The following WDR75 variants were observed in gnomAD, a reference collection of about 807,000 sequenced individuals.
WDR75 encodes WD repeat-containing protein 75.
In WDR75, 52 loss-of-function variants were observed where a neutral mutation model predicts 106.1. The ratio of observed to expected loss-of-function variants is 0.49; its 90% CI spans 0.39 to 0.62. The LOEUF is 0.62. Among genes scored for constraint, WDR75 ranks in the 20% least tolerant of loss-of-function variants. WDR75 has a pLI of 0.00. For synonymous variants in WDR75, 333 were observed against 335.5 expected, an observed-to-expected ratio of 0.99 and a Z score of 0.08; for missense variants, 905 against 970.3, an observed-to-expected ratio of 0.93 and a Z score of 0.89.
At chr2:189,464,343 T>G (rs2105567803) in intron 11 of WDR75, 1 of 184,502 alleles carries the variant, frequency 5.4e-6, no homozygotes, top group East Asian at 1.5e-4. Flanking sequence ...GATAAAATTT[T>G]CAGTGTAGAT....
intron 19 of WDR75, 28 bp from the exon 20 acceptor site, chr2:189,474,687 ATT>A (rs1348944956): frequency 6.3e-7 from 1 of 1,594,052 alleles, no homozygotes; most frequent in South Asian, 1.1e-5. Context: ...AAGCTTTTTA[ATT>A]GCAACCGTGT....
Position 189,465,146 on chromosome 2 carries a change from C to T in WDR75, c.1181C>T (p.Ala394Val). Residue 394 changes from alanine (A) to valine (V), a missense_variant, in exon 12 of 21, where the codon GCA (alanine) becomes GTA (valine). Coordinates refer to ENST00000314761, the MANE Select transcript of WDR75 (RefSeq NM_032168.3). ...ATCCAAATTGAACTAACAAAGGCTG[C>T]ATTTGGCTGCTTTGGTAACTGGCTT... ...GLIQIELTKA[A>V]FGCFGNWLAT... is the part of the protein sequence containing the mutation. 1.2e-6 allele frequency: 2 copies of T among 1,612,964 alleles called. No individual in the cohort carries two copies. Among genetic ancestry groups the T allele is most frequent in the Admixed American group, 1.7e-5 (1 of 59,958 alleles).
In WDR75 at chr2:189,455,488, C is replaced by G. The variant is rs767145340; in HGVS notation, c.498+44C>G. The G allele has an allele frequency of 2.5e-6, 4 of 1,582,420 alleles. No individual in the cohort carries two copies. In the Admixed American group the frequency reaches 7.4e-5, roughly 29 times the overall value. ...GTTTTCTGTTTTGTACCTAAAATTT[C>G]TTTCCTGCAATCTCTCTTCTGAGCA... On this transcript the variant is annotated intron_variant, in intron 5 of 20. Transcript: ENST00000314761.
chr2:189,466,366 T>C (rs1686999478), intron 12 of WDR75, 59 bp from the exon 13 acceptor site: 2 of 1,568,858 alleles, frequency 1.3e-6, no homozygotes, highest in South Asian at 2.3e-5. Context: ...TGTCAGAAAT[T>C]CTTATATACA....
Position 189,462,643 on chromosome 2 carries a change from G to A in WDR75, c.937+1G>A, listed in dbSNP as rs1489355668. The A allele has an allele frequency of 4.3e-6, 7 of 1,612,948 alleles. No individual in the cohort carries two copies. The highest frequency in any genetic ancestry group is 5.9e-6 in the Non-Finnish European group (7 of 1,179,430). On this transcript the variant is annotated splice_donor_variant, in intron 9 of 20. Coordinates refer to ENST00000314761, the MANE Select transcript of WDR75 (RefSeq NM_032168.3). LOFTEE classifies it high-confidence loss of function. The stretch of plus-strand genomic sequence containing the variant: ...TTCTGCACTTCTCACTCTGATAATA[G>A]TAAGTCTAAATTTTTTATTATGAGG...
In WDR75 at chr2:189,450,914, T is replaced by C. The variant is rs1442629892; in HGVS notation, c.228T>C (p.Cys76=). 1.2e-6 allele frequency: 2 copies of C among 1,611,302 alleles called. No homozygotes were observed. Among genetic ancestry groups the C allele is most frequent in the East Asian group, 4.5e-5 (2 of 44,690 alleles). The stretch of plus-strand genomic sequence containing the variant: ...TTTTACCCTTTTAGCTGTATTCTTG[T>C]TCCCTTGATGGCACAATTAAACTGT... ...NPNNHLQLYS[C]SLDGTIKLWD... The change falls in exon 3 of 21, where the codon TGT becomes TGC. Residue 76 remains cysteine, a synonymous_variant. Coordinates refer to ENST00000314761, the MANE Select transcript of WDR75 (RefSeq NM_032168.3).
At chr2:189,468,956 G>A (rs1196542318) in intron 15 of WDR75, among the ~76,000 whole-genome samples, 1 of 152,130 alleles carries the variant, frequency 6.6e-6, no homozygotes, top group African/African-American at 2.4e-5. Context: ...TAACAAATGT[G>A]AACTTAGTGG....
intron 2 of WDR75, chr2:189,450,631 A>C (rs957311102): frequency 8.1e-7 from 1 of 1,239,900 alleles, no homozygotes; most frequent in Non-Finnish European, 1.0e-6. Flanking sequence ...TTCATATCTC[A>C]TTCAAAACCT....
At chr2:189,450,022 G>A in intron 2 of WDR75, 2 of 985,298 alleles carry the variant, frequency 2.0e-6, no homozygotes, top group South Asian at 4.7e-5. Flanking sequence ...CTATGTGTTA[G>A]TAAGGTCTTC....
intron 18 of WDR75, 34 bp from the exon 19 acceptor site, chr2:189,474,152 T>G (rs751140177): frequency 6.3e-7 from 1 of 1,587,624 alleles, no homozygotes; most frequent in Admixed American, 1.9e-5. Flanking sequence ...TCCTTTTTTC[T>G]GAAATAATTT....
intron 1 of WDR75, among the ~76,000 whole-genome samples, chr2:189,445,273 TTGAC>T (rs1235796099): frequency 3.3e-5 from 5 of 152,214 alleles, no homozygotes; most frequent in Non-Finnish European, 7.3e-5. Context: ...CCATTTGTGT[TTGAC>T]TTATTATTGT....
chr2:189,466,310 T>C (rs1490690454), intron 12 of WDR75, 115 bp from the exon 13 acceptor site: 3 of 1,139,558 alleles, frequency 2.6e-6, no homozygotes, highest in Admixed American at 4.3e-5. Flanking sequence ...TTCTACGTGA[T>C]TATCAGTTGC....
At chr2:189,441,673 C>A in intron 1 of WDR75, 95 bp downstream of exon 1, 1 of 1,397,220 alleles carries the variant, frequency 7.2e-7, no homozygotes. Context: ...CGGACTCGCC[C>A]GCCTGGCGGA....
intron 1 of WDR75, among the ~76,000 whole-genome samples, chr2:189,443,235 TGCTGA>T (rs1463479885): frequency 1.3e-5 from 2 of 152,214 alleles, no homozygotes; most frequent in African/African-American, 4.8e-5. Context: ...CGGAGAAGAT[TGCTGA>T]GCAAATGACA....
intron 3 of WDR75, 109 bp downstream of exon 3, chr2:189,451,077 A>G (rs1686613400): frequency 9.1e-6 from 12 of 1,314,792 alleles, no homozygotes; most frequent in South Asian, 2.3e-5. Flanking sequence ...GACTTCCTAA[A>G]CAAGTTACAA....
chr2:189,457,513 G>A (rs1395951633), intron 6 of WDR75, 132 bp downstream of exon 6: 2 of 617,306 alleles, frequency 3.2e-6, no homozygotes, highest in African/African-American at 1.9e-5. Context: ...TGTGAAGTAT[G>A]GAGGTACAGT....
At position 189,458,883 on chromosome 2, in the gene WDR75, T is replaced by C. The variant is rs1358656723; in HGVS notation, c.689+11T>C. The C allele has an allele frequency of 6.3e-7, 1 of 1,598,580 alleles. No individual in the cohort carries two copies. Among genetic ancestry groups the C allele is most frequent in the Non-Finnish European group, 8.5e-7 (1 of 1,174,048 alleles). On this transcript the variant is annotated intron_variant, in intron 7 of 20. Transcript: ENST00000314761. The stretch of plus-strand genomic sequence containing the variant: ...CAAAATTCGTCTTTGGTCAGTTTGC[T>C]CATGAAGAGCATGGCGATCATTTAT...
At chr2:189,458,904 T>C (rs750458395) in intron 7 of WDR75, 32 bp downstream of exon 7, 20 of 1,581,454 alleles carry the variant, frequency 1.3e-5, no homozygotes, top group Non-Finnish European at 1.6e-5. Flanking sequence ...ATGGCGATCA[T>C]TTATGTACTA....
chr2:189,459,293 TTAAACCTA>T, intron 7 of WDR75, 35 bp from the exon 8 acceptor site: 1 of 1,471,880 alleles, frequency 6.8e-7, no homozygotes, highest in East Asian at 2.3e-5. Flanking sequence ...TTTTCCTAAC[TTAAACCTA>T]TGGTCAAAAT....
Sources: allele counts gnomAD v4.1 joint callset (sites outside exome capture counted in the v4.1 genomes callset), GRCh38; gene constraint gnomAD v4.1.1; transcripts MANE v1.5; gene names NCBI Gene and HGNC (gene_info 2026-07-23, HGNC 2026-07-21).